Variants in PLCB4 observed in about 807,000 individuals in gnomAD.
PLCB4 encodes 1-phosphatidylinositol 4,5-bisphosphate phosphodiesterase beta-4.
Under a neutral mutation model 178.8 loss-of-function variants are expected in PLCB4, and 77 were observed. The ratio of observed to expected loss-of-function variants is 0.43; its 90% CI spans 0.36 to 0.52. The LOEUF (loss-of-function observed/expected upper bound fraction) is 0.52, where lower values mean the gene tolerates loss of function less well. Ranked by LOEUF, PLCB4 falls within the 20% of genes least tolerant of loss-of-function variation. The pLI is 0.00. For missense variants in PLCB4, 1,024 were observed against 1,453.4 expected, an observed-to-expected ratio of 0.70 and a Z score of 4.80; for synonymous variants, 496 against 490.8, an observed-to-expected ratio of 1.01 and a Z score of -0.14.
At chr20:9,103,464 A>G (rs907269581) in intron 2 of PLCB4, among the ~76,000 whole-genome samples, 11 of 152,178 alleles carry the variant, frequency 7.2e-5, no homozygotes, top group Non-Finnish European at 1.3e-4. Context: ...CAAATCTCTT[A>G]AAGTCTTGCT....
chr20:9,315,848 G>T (rs942080224), intron 4 of PLCB4, among the ~76,000 whole-genome samples: 1 of 151,906 alleles, frequency 6.6e-6, no homozygotes, highest in East Asian at 1.9e-4. Flanking sequence ...CACAAAAATC[G>T]CTTGAACCTG....
chr20:9,347,463 A>G (rs1234615010), intron 7 of PLCB4, among the ~76,000 whole-genome samples: 2 of 152,210 alleles, frequency 1.3e-5, no homozygotes, highest in Non-Finnish European at 2.9e-5. Flanking sequence ...ACTAAAGTGA[A>G]TGCTAATATT....
chr20:9,154,590 A>G (rs1335652402), intron 2 of PLCB4, among the ~76,000 whole-genome samples: 3 of 152,114 alleles, frequency 2.0e-5, no homozygotes, highest in Non-Finnish European at 4.4e-5. Context: ...TGGGGGAAAC[A>G]GTGTTTGGAG....
chr20:9,226,568 T>G (rs1276099970), intron 3 of PLCB4, among the ~76,000 whole-genome samples: 1 of 152,154 alleles, frequency 6.6e-6, no homozygotes, highest in Non-Finnish European at 1.5e-5. Flanking sequence ...GTTTTGGAAG[T>G]ATTGACAGGG....
At chr20:9,192,528 CTTTTTTT>C (rs57026127) in intron 2 of PLCB4, among the ~76,000 whole-genome samples, 2 of 135,342 alleles carry the variant, frequency 1.5e-5, no homozygotes, top group Non-Finnish European at 3.2e-5. Flanking sequence ...ATTTTTTTTT[CTTTTTTT>C]TTTTTTTTGA....
At chr20:9,361,844 G>A (rs1257533548) in intron 7 of PLCB4, among the ~76,000 whole-genome samples, 1 of 152,130 alleles carries the variant, frequency 6.6e-6, no homozygotes, top group Non-Finnish European at 1.5e-5. Context: ...CACTGTCTGA[G>A]CCATCAACCC....
At chr20:9,229,308 T>A (rs2093905105) in intron 3 of PLCB4, among the ~76,000 whole-genome samples, 1 of 152,098 alleles carries the variant, frequency 6.6e-6, no homozygotes, top group Non-Finnish European at 1.5e-5. Flanking sequence ...CTGCTTTCAG[T>A]GGATGTGTGC....
At chr20:9,194,551 G>A (rs1029529048) in intron 2 of PLCB4, among the ~76,000 whole-genome samples, 10 of 151,884 alleles carry the variant, frequency 6.6e-5, no homozygotes, top group African/African-American at 1.9e-4. Context: ...AGCCGGGCGT[G>A]GTGGCAGGCC....
intron 2 of PLCB4, among the ~76,000 whole-genome samples, chr20:9,216,329 T>G (rs558758515): frequency 1.5e-3 from 223 of 152,244 alleles, no homozygotes; most frequent in Non-Finnish European, 1.4e-3. Context: ...GCCATTTTCC[T>G]GCCTCAGCCT....
chr20:9,269,215 A>T (rs138014898), intron 3 of PLCB4, among the ~76,000 whole-genome samples: 2 of 152,314 alleles, frequency 1.3e-5, no homozygotes, highest in Non-Finnish European at 2.9e-5. Context: ...ATATGCAAAC[A>T]TTTAATCAGT....
At chr20:9,189,535 A>C (rs1367849545) in intron 2 of PLCB4, among the ~76,000 whole-genome samples, 1 of 152,180 alleles carries the variant, frequency 6.6e-6, no homozygotes, top group Non-Finnish European at 1.5e-5. Context: ...TGTCATATGC[A>C]CTGTAGGATG....
At chr20:9,130,357 T>C (rs756663179) in intron 2 of PLCB4, among the ~76,000 whole-genome samples, 4 of 152,186 alleles carry the variant, frequency 2.6e-5, no homozygotes, top group Admixed American at 2.0e-4. Flanking sequence ...CAAAAATAAA[T>C]CTTTTAATTG....
chr20:9,277,142 G>T (rs1195156876), intron 3 of PLCB4, among the ~76,000 whole-genome samples: 2 of 152,016 alleles, frequency 1.3e-5, no homozygotes, highest in Non-Finnish European at 2.9e-5. Flanking sequence ...GGGAGAAGTG[G>T]ATTCACTGCA....
At chr20:9,090,435 A>AG (rs2090626116) in intron 1 of PLCB4, among the ~76,000 whole-genome samples, 1 of 151,562 alleles carries the variant, frequency 6.6e-6, no homozygotes, top group African/African-American at 2.4e-5. Flanking sequence ...AGAAAGGGGG[A>AG]GGGAAAAAAT....
intron 3 of PLCB4, among the ~76,000 whole-genome samples, chr20:9,281,855 T>C (rs1258163609): frequency 6.6e-6 from 1 of 152,024 alleles, no homozygotes; most frequent in East Asian, 1.9e-4. Flanking sequence ...ATGACTACTT[T>C]ATTTATCTAG....
intron 7 of PLCB4, among the ~76,000 whole-genome samples, chr20:9,343,876 A>C (rs533324926): frequency 6.6e-6 from 1 of 152,108 alleles, no homozygotes; most frequent in African/African-American, 2.4e-5. Flanking sequence ...TGTTTGCTCT[A>C]CCCTCAGCAG....
chr20:9,424,216 C>T (rs981880203), intron 28 of PLCB4, among the ~76,000 whole-genome samples: 2 of 151,962 alleles, frequency 1.3e-5, no homozygotes, highest in African/African-American at 4.8e-5. Flanking sequence ...TCAATTTTTA[C>T]AAACACATTT....
intron 3 of PLCB4, among the ~76,000 whole-genome samples, chr20:9,295,593 T>C (rs2094624813): frequency 6.6e-6 from 1 of 152,144 alleles, no homozygotes; most frequent in Non-Finnish European, 1.5e-5. Context: ...AAGATGACTT[T>C]TGTATAAGGT....
At position 9,291,967 on chromosome 20, in the gene PLCB4, T is replaced by C. The variant is rs542395035; in HGVS notation, c.-15-15833T>C. Reference sequence around the variant, plus strand: ...TATAATAATAGCAAAGATCTATTTATAAAAGTAGCTTGGAGAATTTTTAAA... The same window carrying C: ...TATAATAATAGCAAAGATCTATTTACAAAAGTAGCTTGGAGAATTTTTAAA... On this transcript the variant is annotated intron_variant, in intron 3 of 39. Transcript: ENST00000378473. Among the ~76,000 whole-genome samples the C allele has an allele frequency of 2.0e-5, 3 of 152,350 alleles. No individual in the cohort carries two copies. The South Asian group carries it at 6.2e-4, about 32-fold the overall frequency.
Sources: allele counts gnomAD v4.1 joint callset (sites outside exome capture counted in the v4.1 genomes callset), GRCh38; gene constraint gnomAD v4.1.1; transcripts MANE v1.5; gene names NCBI Gene and HGNC (gene_info 2026-07-23, HGNC 2026-07-21).